Variants in ZFHX3 observed in about 807,000 individuals in gnomAD.
ZFHX3 encodes zinc finger homeobox protein 3.
In ZFHX3, 42 loss-of-function variants were observed where a neutral mutation model predicts 279.1. The ratio of observed to expected loss-of-function variants is 0.15; its 90% CI spans 0.12 to 0.19. The LOEUF is 0.19. ZFHX3 is among the 10% of genes least tolerant of loss of function. ZFHX3 has a pLI of 1.00. For synonymous variants in ZFHX3, 2,293 were observed against 1,957.8 expected, an observed-to-expected ratio of 1.17 and a Z score of -4.52; for missense variants, 4,981 against 4,754.0, an observed-to-expected ratio of 1.05 and a Z score of -1.40.
At chr16:73,140,049 T>C (rs1350515875) in intron 6 of ZFHX3, among the ~76,000 whole-genome samples, 3 of 151,978 alleles carry the variant, frequency 2.0e-5, no homozygotes, top group African/African-American at 7.2e-5. Flanking sequence ...GGGAGAATCG[T>C]TGAGGCCACG....
intron 4 of ZFHX3, among the ~76,000 whole-genome samples, chr16:73,261,668 GTT>G (rs1187489542): frequency 0.2 from 15,727 of 80,442 alleles, 1,016 homozygotes; most frequent in Middle Eastern, 0.36. Flanking sequence ...TCCTGTGATT[GTT>G]TTTTTTTTTT....
chr16:73,087,598 G>A (rs1200221314), intron 8 of ZFHX3, among the ~76,000 whole-genome samples: 1 of 152,132 alleles, frequency 6.6e-6, no homozygotes. Flanking sequence ...AATTAAAAAT[G>A]GGGGGTGATG....
rs1258459517 is a variant in ZFHX3 at position 73,541,816 on chromosome 16, T to TC, written c.-1546-85559dup. 1.2e-3 allele frequency among the ~76,000 whole-genome samples: 162 copies of TC among 132,590 alleles called. 3 individuals carry two copies. The highest frequency in any genetic ancestry group is 1.6e-3 in the Non-Finnish European group (101 of 63,068). The allele number at this position is 132,590 out of a possible 152,430, so 87.0% of individuals were successfully genotyped here. On this transcript the variant is annotated intron_variant, in intron 2 of 17. Transcript: ENST00000641206. The stretch of plus-strand genomic sequence containing the variant: ...TTTTTTTTTTTTTTTTTTTTTTTTT[T>TC]CCCTGAGATGGAGTCTCACTCTGTC...
intron 1 of ZFHX3, among the ~76,000 whole-genome samples, chr16:73,053,470 G>A (rs145513807): frequency 3.9e-5 from 6 of 152,172 alleles, no homozygotes; most frequent in Non-Finnish European, 8.8e-5. Context: ...TCATTACAAG[G>A]TTTTTCGGTG....
chr16:73,510,257 TTCTTGTTG>T (rs1357370757), intron 2 of ZFHX3, among the ~76,000 whole-genome samples: 4 of 152,184 alleles, frequency 2.6e-5, no homozygotes, highest in African/African-American at 9.7e-5. Context: ...TTTATTTATT[TTCTTGTTG>T]TCTTTTGCCT....
At chr16:73,335,665 A>G (rs1203513195) in intron 3 of ZFHX3, among the ~76,000 whole-genome samples, 1 of 152,188 alleles carries the variant, frequency 6.6e-6, no homozygotes, top group Non-Finnish European at 1.5e-5. Flanking sequence ...AATGTCCCCA[A>G]GGTCCTGCCA....
chr16:73,044,571 G>A (rs186427826), intron 1 of ZFHX3, among the ~76,000 whole-genome samples: 1 of 150,838 alleles, frequency 6.6e-6, no homozygotes, highest in Non-Finnish European at 1.5e-5. Flanking sequence ...TTAGAGCTGA[G>A]AAACAAGTGA....
chr16:73,610,496 G>A (rs116668187), intron 2 of ZFHX3, among the ~76,000 whole-genome samples: 1 of 152,214 alleles, frequency 6.6e-6, no homozygotes, highest in African/African-American at 2.4e-5. Flanking sequence ...TTGCTTTGCT[G>A]GGGATAAAAG....
At chr16:73,594,432 A>C (rs2052028300) in intron 2 of ZFHX3, among the ~76,000 whole-genome samples, 1 of 152,234 alleles carries the variant, frequency 6.6e-6, no homozygotes, top group African/African-American at 2.4e-5. Flanking sequence ...AATTTCAATG[A>C]AAATCGCAAG....
intron 4 of ZFHX3, among the ~76,000 whole-genome samples, chr16:72,865,342 A>C (rs762215847): frequency 7.9e-5 from 12 of 152,224 alleles, no homozygotes; most frequent in Non-Finnish European, 1.3e-4. Context: ...AGCCCAGCAG[A>C]ACCCTCAATA....
chr16:73,881,612 T>G (rs1350749440), intron 1 of ZFHX3, among the ~76,000 whole-genome samples: 6 of 151,830 alleles, frequency 4.0e-5, no homozygotes, highest in Non-Finnish European at 8.8e-5. Context: ...AACCACACTT[T>G]TAACTGTCAG....
intron 1 of ZFHX3, among the ~76,000 whole-genome samples, chr16:73,784,794 A>AC (rs1555501444): frequency 8.8e-6 from 1 of 114,226 alleles, no homozygotes; most frequent in African/African-American, 3.4e-5. Context: ...AATAAAAAAA[A>AC]AAATATATAT....
At chr16:73,378,680 C>T (rs557586757) in intron 3 of ZFHX3, among the ~76,000 whole-genome samples, 23 of 152,346 alleles carry the variant, frequency 1.5e-4, no homozygotes, top group African/African-American at 3.4e-4. Context: ...CCATAACCCT[C>T]GTCCTTGACC....
chr16:73,520,659 G>T (rs1321260408), intron 2 of ZFHX3, among the ~76,000 whole-genome samples: 1 of 152,168 alleles, frequency 6.6e-6, no homozygotes, highest in Non-Finnish European at 1.5e-5. Context: ...AGCATACATA[G>T]TAGACATACA....
intron 2 of ZFHX3, among the ~76,000 whole-genome samples, chr16:73,556,013 T>C (rs1319767859): frequency 6.6e-6 from 1 of 152,028 alleles, no homozygotes; most frequent in African/African-American, 2.4e-5. Flanking sequence ...GACACAGTGT[T>C]TTCTGTGATG....
intron 2 of ZFHX3, among the ~76,000 whole-genome samples, chr16:73,566,528 G>C (rs1203405638): frequency 6.6e-6 from 1 of 152,086 alleles, no homozygotes; most frequent in Admixed American, 6.6e-5. Context: ...TGGCTTTGTA[G>C]ACTCATCATC....
intron 4 of ZFHX3, among the ~76,000 whole-genome samples, chr16:72,847,601 T>C (rs935795402): frequency 2.6e-5 from 4 of 151,920 alleles, no homozygotes; most frequent in Non-Finnish European, 5.9e-5. Context: ...AAAGAGGGGA[T>C]GGATGGAGGC....
intron 3 of ZFHX3, among the ~76,000 whole-genome samples, chr16:73,345,156 ATAT>A (rs1246728181): frequency 2.0e-5 from 3 of 152,202 alleles, no homozygotes; most frequent in African/African-American, 7.2e-5. Flanking sequence ...TTATACGGAA[ATAT>A]TATCCAATTA....
intron 3 of ZFHX3, among the ~76,000 whole-genome samples, chr16:72,895,561 C>T (rs577692482): frequency 1.3e-5 from 2 of 152,242 alleles, no homozygotes; most frequent in African/African-American, 2.4e-5. Context: ...TGGTGGCTCA[C>T]GCCTGTAATC....
Sources: gnomAD v4.1 joint callset for allele counts (sites outside exome capture counted in the v4.1 genomes callset) on GRCh38, gnomAD v4.1.1 for gene constraint, MANE v1.5 for transcripts, NCBI Gene and HGNC (gene_info 2026-07-23, HGNC 2026-07-21) for gene names.